GPHN: variants seen among roughly 807,000 people sequenced by gnomAD.
GPHN encodes gephyrin.
In GPHN, 17 loss-of-function variants were observed where a neutral mutation model predicts 95.5. The observed-to-expected ratio is 0.18, with a 90% CI of 0.12 to 0.27. The LOEUF (loss-of-function observed/expected upper bound fraction) is 0.27. Ranked by LOEUF, GPHN falls within the 10% of genes least tolerant of loss-of-function variation. The pLI, the probability that GPHN is intolerant of heterozygous loss-of-function variation, is 1.00. For synonymous variants in GPHN, 320 were observed against 322.5 expected (o/e 0.99, Z 0.08); for missense variants, 660 against 978.1 (o/e 0.67, Z 4.34).
chr14:67,678,231 G>C, the GPHN span: 81 of 889,348 alleles, frequency 9.1e-5, 2 homozygotes, highest in South Asian at 1.2e-3. Flanking sequence ...TTGTGCTAAA[G>C]GTTTTGAAAA....
At chr14:66,662,714 G>A (rs1040299859) in intron 1 of GPHN, among the ~76,000 whole-genome samples, 2 of 152,208 alleles carry the variant, frequency 1.3e-5, no homozygotes, top group African/African-American at 4.8e-5. Flanking sequence ...AATGCAGGAA[G>A]CTACAGATCA....
the GPHN span, chr14:67,395,454 GC>G: frequency 1.9e-6 from 3 of 1,614,062 alleles, no homozygotes; most frequent in Non-Finnish European, 2.5e-6. Context: ...CTGTGCAGCT[GC>G]TGGACCTTCC....
In GPHN at chr14:66,688,756, C is replaced by T. The variant is rs542201449; in HGVS notation, c.143+7571C>T. 4.6e-5 allele frequency among the ~76,000 whole-genome samples: 7 copies of T among 152,214 alleles called. No individual in the cohort carries two copies. In the South Asian group the frequency reaches 1.2e-3, roughly 27 times the overall value. ...TGTGTTGAATGAAAGTTGTGAAAGT[C>T]CTTTGCAGGGACATGGATGAAGCTG... On this transcript the variant is annotated intron_variant, in intron 2 of 22. Transcript: ENST00000478722.
intron 4 of GPHN, among the ~76,000 whole-genome samples, chr14:66,871,792 G>A (rs1005318666): frequency 5.9e-5 from 9 of 152,104 alleles, no homozygotes; most frequent in African/African-American, 2.2e-4. Context: ...AGGGGGAAGG[G>A]GAGGGAGGGT....
At chr14:67,397,743 C>T in the GPHN span, 19 of 1,613,272 alleles carry the variant, frequency 1.2e-5, no homozygotes, top group Middle Eastern at 5.0e-4. Context: ...GGGTCACTCT[C>T]CGACCCCCCT....
the GPHN span, chr14:67,570,270 A>G: frequency 2.1e-6 from 2 of 939,592 alleles, no homozygotes; most frequent in Non-Finnish European, 2.5e-6. Flanking sequence ...AGCTCTCCCC[A>G]CCTTTTCTCA....
intron 1 of GPHN, among the ~76,000 whole-genome samples, chr14:66,551,915 G>A (rs2059826499): frequency 6.6e-6 from 1 of 152,058 alleles, no homozygotes; most frequent in Non-Finnish European, 1.5e-5. Flanking sequence ...CCAACATTGG[G>A]GATTACAATT....
intron 2 of GPHN, among the ~76,000 whole-genome samples, chr14:66,738,452 A>G (rs760117704): frequency 7.9e-5 from 12 of 152,162 alleles, no homozygotes; most frequent in Non-Finnish European, 1.0e-4. Flanking sequence ...CTAAATACCC[A>G]TAAGTATTTT....
chr14:67,289,719 T>G, the GPHN span, among the ~76,000 whole-genome samples: 2 of 150,600 alleles, frequency 1.3e-5, no homozygotes, highest in Non-Finnish European at 3.0e-5. Flanking sequence ...GCAGACCTTA[T>G]AAGAAGAGAG....
At chr14:66,965,404 G>A in intron 9 of GPHN, 79 bp downstream of exon 9, 3 of 1,284,076 alleles carry the variant, frequency 2.3e-6, no homozygotes, top group Non-Finnish European at 3.4e-6. Flanking sequence ...CCTCCTGCTT[G>A]TCAAGGTTGG....
chr14:66,544,597 A>G (rs1045350152), intron 1 of GPHN, among the ~76,000 whole-genome samples: 1 of 145,070 alleles, frequency 6.9e-6, no homozygotes, highest in Admixed American at 6.8e-5. Context: ...TTTTTAATTT[A>G]TTTATTTTTT....
intron 1 of GPHN, among the ~76,000 whole-genome samples, chr14:66,550,470 C>G (rs2059769241): frequency 6.6e-6 from 1 of 152,152 alleles, no homozygotes; most frequent in Non-Finnish European, 1.5e-5. Context: ...GAGATGGAAT[C>G]TACTCCTGGT....
chr14:67,727,506 G>C, the GPHN span: 1 of 320,092 alleles, frequency 3.1e-6, no homozygotes, highest in Non-Finnish European at 5.8e-6. Flanking sequence ...TTTGAGACTT[G>C]AGTTTCGCTC....
At chr14:67,428,858 G>T in the GPHN span, among the ~76,000 whole-genome samples, 8 of 152,210 alleles carry the variant, frequency 5.3e-5, no homozygotes, top group Admixed American at 4.6e-4. Flanking sequence ...GGAGAGAGAA[G>T]CAGGCGTTGG....
At chr14:66,790,445 A>G (rs2059932162) in intron 3 of GPHN, among the ~76,000 whole-genome samples, 1 of 152,238 alleles carries the variant, frequency 6.6e-6, no homozygotes, top group African/African-American at 2.4e-5. Flanking sequence ...CTTCCCAGAA[A>G]AAGCCTAGAG....
chr14:66,740,191 A>G (rs1481269199), intron 2 of GPHN, among the ~76,000 whole-genome samples: 2 of 152,198 alleles, frequency 1.3e-5, no homozygotes, highest in Admixed American at 6.5e-5. Context: ...TATATGGTCA[A>G]ATATGCTCAT....
At chr14:67,143,795 A>G (rs1163089357) in intron 18 of GPHN, among the ~76,000 whole-genome samples, 1 of 151,982 alleles carries the variant, frequency 6.6e-6, no homozygotes, top group Non-Finnish European at 1.5e-5. Context: ...CTTCTACTCA[A>G]ATTTAAACAT....
the GPHN span, among the ~76,000 whole-genome samples, chr14:67,628,549 TTTTAACTTAATACCTCTTA>T: frequency 1.3e-5 from 2 of 152,228 alleles, no homozygotes; most frequent in Non-Finnish European, 1.5e-5. Flanking sequence ...ACAGCAAAGA[TTTTAACTTAATACCTCTTA>T]TTTAACTTAA....
chr14:66,706,388 C>A (rs558803571), intron 2 of GPHN, among the ~76,000 whole-genome samples: 1 of 152,222 alleles, frequency 6.6e-6, no homozygotes, highest in African/African-American at 2.4e-5. Context: ...AAGCTAGAGA[C>A]ATCATGCTAC....
Sources: gnomAD v4.1 joint callset for allele counts (sites outside exome capture counted in the v4.1 genomes callset) on GRCh38, gnomAD v4.1.1 for gene constraint, MANE v1.5 for transcripts, NCBI Gene and HGNC (gene_info 2026-07-23, HGNC 2026-07-21) for gene names.